The following BMPER variants were observed in gnomAD, a reference collection of about 807,000 sequenced individuals.
The protein encoded by BMPER is BMP binding endothelial regulator.
A neutral mutation model predicts 87.3 loss-of-function variants in BMPER; 45 were observed. The observed-to-expected ratio is 0.52, with a 90% CI of 0.41 to 0.66. The LOEUF (loss-of-function observed/expected upper bound fraction) is 0.66. BMPER is among the 30% of genes least tolerant of loss of function. BMPER has a pLI of 0.00. For missense variants in BMPER, 784 were observed against 867.5 expected (o/e 0.90, Z 1.21); for synonymous variants, 326 against 316.2 (o/e 1.03, Z -0.33).
intron 2 of BMPER, among the ~76,000 whole-genome samples, chr7:33,911,998 G>A (rs1433551605): frequency 6.6e-6 from 1 of 152,174 alleles, no homozygotes; most frequent in African/African-American, 2.4e-5. Context: ...AATGTTTAGT[G>A]AGTTTTTCTG....
At position 33,924,770 on chromosome 7, in the gene BMPER, C is replaced by T. The variant is rs146725803; in HGVS notation, c.220-12519C>T. Among the ~76,000 whole-genome samples, 4 of 152,294 alleles carry T rather than the reference C, an allele frequency of 2.6e-5. No individual in the cohort carries two copies. The East Asian group carries it at 5.8e-4, about 22-fold the overall frequency. On this transcript the variant is annotated intron_variant, in intron 2 of 14. Transcript: ENST00000649409. The stretch of plus-strand genomic sequence containing the variant: ...GCAACCTCTGCCTCCCGGGCTCAAG[C>T]GATTCTCCTGCCTCAATCTCCTGAG...
At chr7:34,146,005 T>C (rs1283328667) in intron 14 of BMPER, among the ~76,000 whole-genome samples, 1 of 152,000 alleles carries the variant, frequency 6.6e-6, no homozygotes, top group Non-Finnish European at 1.5e-5. Flanking sequence ...GGGAGGGGAA[T>C]GTTTTAGACA....
chr7:33,984,565 G>C (rs1187626036), intron 6 of BMPER, among the ~76,000 whole-genome samples: 1 of 152,164 alleles, frequency 6.6e-6, no homozygotes, highest in Non-Finnish European at 1.5e-5. Context: ...ATTTTATGGA[G>C]GAGTTGGGTT....
chr7:33,923,734 A>G (rs893961065), intron 2 of BMPER, among the ~76,000 whole-genome samples: 1 of 152,212 alleles, frequency 6.6e-6, no homozygotes, highest in Non-Finnish European at 1.5e-5. Flanking sequence ...TTATGTGTCT[A>G]TGTGGGTAAG....
chr7:34,151,255 A>T (rs558080422), intron 14 of BMPER, among the ~76,000 whole-genome samples: 1 of 152,298 alleles, frequency 6.6e-6, no homozygotes, highest in African/African-American at 2.4e-5. Flanking sequence ...GTTTCATAAC[A>T]GCTTTATTTA....
chr7:33,908,424 T>C (rs1334307517), intron 2 of BMPER, among the ~76,000 whole-genome samples: 3 of 152,184 alleles, frequency 2.0e-5, no homozygotes, highest in African/African-American at 4.8e-5. Context: ...CAAATAACAT[T>C]ATGAGAAATT....
intron 13 of BMPER, among the ~76,000 whole-genome samples, chr7:34,119,000 TCTCTCTCTCTCTCTCACA>T (rs1562755682): frequency 9.6e-5 from 6 of 62,448 alleles, no homozygotes; most frequent in African/African-American, 3.6e-4. Flanking sequence ...TCTCACTGTC[TCTCTCTCTCTCTCTCACA>T]CACACACACA....
chr7:33,961,395 T>G (rs574901442), intron 3 of BMPER, among the ~76,000 whole-genome samples: 1 of 152,204 alleles, frequency 6.6e-6, no homozygotes, highest in Non-Finnish European at 1.5e-5. Context: ...TCAGCCAGTC[T>G]ATGCACCATT....
At chr7:34,151,048 T>C (rs1363993488) in intron 14 of BMPER, among the ~76,000 whole-genome samples, 1 of 152,034 alleles carries the variant, frequency 6.6e-6, no homozygotes, top group Non-Finnish European at 1.5e-5. Flanking sequence ...ATGGGGTGAA[T>C]GGTGGTGACA....
At chr7:34,094,720 GA>G (rs1270573512) in intron 13 of BMPER, among the ~76,000 whole-genome samples, 1 of 152,230 alleles carries the variant, frequency 6.6e-6, no homozygotes, top group Non-Finnish European at 1.5e-5. Context: ...TGTAAAAGGG[GA>G]TGCGGAGAGG....
intron 1 of BMPER, among the ~76,000 whole-genome samples, chr7:33,906,573 A>T (rs1783822378): frequency 6.6e-6 from 1 of 152,252 alleles, no homozygotes; most frequent in South Asian, 2.1e-4. Context: ...TGCTTAGACC[A>T]TCTGAGAACA....
intron 3 of BMPER, among the ~76,000 whole-genome samples, chr7:33,937,744 C>CAAAAACTTTGTCCAACA (rs1784643395): frequency 6.6e-6 from 1 of 152,180 alleles, no homozygotes; most frequent in African/African-American, 2.4e-5. Flanking sequence ...TTTCAACACT[C>CAAAAACTTTGTCCAACA]AGTTTTTCCA....
At chr7:34,132,636 A>G (rs1790624350) in intron 13 of BMPER, among the ~76,000 whole-genome samples, 1 of 152,222 alleles carries the variant, frequency 6.6e-6, no homozygotes, top group Non-Finnish European at 1.5e-5. Context: ...AAAAGGAGAC[A>G]GTGAGTTTCT....
intron 6 of BMPER, among the ~76,000 whole-genome samples, chr7:34,022,861 G>A (rs1787233609): frequency 6.6e-6 from 1 of 151,934 alleles, no homozygotes; most frequent in Non-Finnish European, 1.5e-5. Context: ...ATGCTATGAC[G>A]GATCATCCTT....
intron 6 of BMPER, among the ~76,000 whole-genome samples, chr7:33,989,075 T>TA (rs1015589254): frequency 2.2e-5 from 3 of 133,440 alleles, no homozygotes; most frequent in Non-Finnish European, 3.1e-5. Context: ...GCAATAAACA[T>TA]ACGTGTGCAT....
rs185097026 is a variant in BMPER, at chr7:34,086,130, G to C, written c.1745+38G>C. ...TTCTGGGGAATGGTTTTGGGTTGCA[G>C]ACCAATAATAGACTTGACCTTGGAA... On this transcript the variant is annotated intron_variant, in intron 13 of 14. Transcript: ENST00000649409. 1.5e-4 allele frequency: 232 copies of C among 1,596,526 alleles called. 1 individual carries two copies. In the African/African-American group the frequency reaches 2.9e-3, roughly 20 times the overall value.
At chr7:34,058,229 C>A in intron 10 of BMPER, 66 bp downstream of exon 10, 2 of 1,428,440 alleles carry the variant, frequency 1.4e-6, no homozygotes, top group South Asian at 2.4e-5. Context: ...GTGGCACAGT[C>A]GCATGCCATC....
chr7:34,105,418 A>T (rs1789792764), intron 13 of BMPER, among the ~76,000 whole-genome samples: 1 of 152,152 alleles, frequency 6.6e-6, no homozygotes, highest in Non-Finnish European at 1.5e-5. Flanking sequence ...CCTCTAGATG[A>T]TGTTGGAAGA....
chr7:33,963,017 G>A (rs1785310225), intron 3 of BMPER, among the ~76,000 whole-genome samples: 1 of 152,154 alleles, frequency 6.6e-6, no homozygotes, highest in Non-Finnish European at 1.5e-5. Flanking sequence ...AATAATACTA[G>A]CAATTTAGAC....
Sources: gnomAD v4.1 joint callset for allele counts (sites outside exome capture counted in the v4.1 genomes callset) on GRCh38, gnomAD v4.1.1 for gene constraint, MANE v1.5 for transcripts, NCBI Gene and HGNC (gene_info 2026-07-23, HGNC 2026-07-21) for gene names.